Variants in POLR3F observed in about 807,000 individuals in gnomAD.
POLR3F encodes RNA polymerase III subunit F, also known as DNA-directed RNA polymerase III subunit RPC6.
Under a neutral mutation model 43.6 loss-of-function variants are expected in POLR3F, and 31 were observed. That is an observed-to-expected ratio of 0.71 (90% CI 0.53 to 0.96). The LOEUF (loss-of-function observed/expected upper bound fraction) is 0.96, where lower values mean the gene tolerates loss of function less well. Ranked by LOEUF, POLR3F falls within the 40% of genes least tolerant of loss-of-function variation. POLR3F has a pLI of 0.00. For missense variants in POLR3F, 316 were observed against 391.7 expected (o/e 0.81, Z 1.63); for synonymous variants, 114 against 132.5 (o/e 0.86, Z 0.96).
intron 1 of POLR3F, among the ~76,000 whole-genome samples, chr20:18,468,698 CTAATT>C (rs994491674): frequency 1.3e-4 from 20 of 152,192 alleles, no homozygotes; most frequent in African/African-American, 3.1e-4. Context: ...GACTTTTGCT[CTAATT>C]TAAAGTTCTT....
At chr20:18,479,640 T>C (rs2148866677) in intron 5 of POLR3F, among the ~76,000 whole-genome samples, 1 of 152,248 alleles carries the variant, frequency 6.6e-6, no homozygotes, top group South Asian at 2.1e-4. Flanking sequence ...TGAATGTAAA[T>C]CAAAGTATAA....
At chr20:18,479,972 A>T in intron 5 of POLR3F, 66 bp from the exon 6 acceptor site, 2 of 1,162,168 alleles carry the variant, frequency 1.7e-6, no homozygotes, top group South Asian at 2.9e-5. Context: ...GTTCCAAAAT[A>T]TAGGTGTTTT....
At chr20:18,478,790 T>C (rs986420616) in intron 5 of POLR3F, among the ~76,000 whole-genome samples, 17 of 152,156 alleles carry the variant, frequency 1.1e-4, no homozygotes, top group Non-Finnish European at 2.5e-4. Flanking sequence ...CCGATGGCAA[T>C]GAACACATCT....
intron 2 of POLR3F, among the ~76,000 whole-genome samples, chr20:18,472,617 G>GCTCC (rs2059759620): frequency 6.6e-6 from 1 of 151,426 alleles, no homozygotes; most frequent in Non-Finnish European, 1.5e-5. Context: ...TTTTAATATA[G>GCTCC]ATTGTTATTC....
intron 2 of POLR3F, chr20:18,469,393 A>G (rs374762625): frequency 4.7e-5 from 10 of 211,546 alleles, no homozygotes; most frequent in Non-Finnish European, 7.8e-5. Flanking sequence ...TGCCCTCAGC[A>G]CTCCTGGTTC....
At chr20:18,470,789 G>A (rs2059745844) in intron 2 of POLR3F, 2 of 152,740 alleles carry the variant, frequency 1.3e-5, no homozygotes, top group Non-Finnish European at 2.9e-5. Flanking sequence ...GGCAGTAGTA[G>A]AGCTATCAAA....
At position 18,469,034 on chromosome 20, in the gene POLR3F, A is replaced by C; in HGVS notation, c.153A>C (p.Ala51=). 1 of 1,566,096 alleles carries C rather than the reference A, an allele frequency of 6.4e-7. No individual in the cohort carries two copies. Among genetic ancestry groups the C allele is most frequent in the Non-Finnish European group, 8.8e-7 (1 of 1,136,086 alleles). The change falls in exon 2 of 9, where the codon GCA becomes GCC. Residue 51 remains alanine (A), a synonymous_variant. Transcript: ENST00000377603. ...EMPHIEAQQR[A]VAINRLLSMG... ...CTCATATAGAAGCCCAGCAGCGGGCAGTAGCCATCAATAGGTTGTTGTCTA... is the reference window on the plus strand; with the variant it reads ...CTCATATAGAAGCCCAGCAGCGGGCCGTAGCCATCAATAGGTTGTTGTCTA...
chr20:18,482,746 T>C (rs2059817222), intron 8 of POLR3F, among the ~76,000 whole-genome samples: 1 of 152,218 alleles, frequency 6.6e-6, no homozygotes, highest in South Asian at 2.1e-4. Flanking sequence ...TGTGTGTGTT[T>C]TATTTCATTA....
intron 7 of POLR3F, 106 bp downstream of exon 7, chr20:18,480,615 G>A (rs997332659): frequency 1.3e-4 from 88 of 694,330 alleles, no homozygotes; most frequent in Non-Finnish European, 2.0e-4. Flanking sequence ...TGAGATGATA[G>A]CTACGAACAT....
chr20:18,477,654 C>T (rs996914007), intron 5 of POLR3F, among the ~76,000 whole-genome samples: 1 of 152,090 alleles, frequency 6.6e-6, no homozygotes, highest in African/African-American at 2.4e-5. Flanking sequence ...ATCTTAAATG[C>T]ATATTGCTAA....
intron 5 of POLR3F, among the ~76,000 whole-genome samples, chr20:18,476,137 C>A (rs966888385): frequency 5.3e-5 from 8 of 152,144 alleles, no homozygotes; most frequent in Non-Finnish European, 5.9e-5. Context: ...AGTGTAAAAT[C>A]TTTGGATTTA....
intron 5 of POLR3F, among the ~76,000 whole-genome samples, chr20:18,477,184 T>A (rs1047489098): frequency 3.3e-5 from 5 of 151,820 alleles, no homozygotes; most frequent in African/African-American, 1.2e-4. Flanking sequence ...GATAAGCATA[T>A]GAAAAGATGC....
rs557918422 is a variant in POLR3F at position 18,478,342 on chromosome 20, A to G, written c.430-1696A>G. 2.6e-5 allele frequency among the ~76,000 whole-genome samples: 4 copies of G among 152,102 alleles called. No homozygotes were observed. The South Asian group carries it at 8.3e-4, about 32-fold the overall frequency. On this transcript the variant is annotated intron_variant, in intron 5 of 8. Coordinates refer to ENST00000377603, the MANE Select transcript of POLR3F (RefSeq NM_006466.4). ...GCCATCCTCCCACCACAGCCTTCCA[A>G]GTAGCTGGGACTATAGGCACGTGCC...
At position 18,484,214 on chromosome 20, in the gene POLR3F, T is replaced by C. The variant is rs1474946434; in HGVS notation, c.*656T>C. 3 of 398,430 alleles carry C rather than the reference T, an allele frequency of 7.5e-6. No homozygotes were observed. Among genetic ancestry groups the C allele is most frequent in the Non-Finnish European group, 1.3e-5 (3 of 226,010 alleles). The allele number at this position is 398,430 out of a possible 1,614,324, so 24.7% of individuals were successfully genotyped here. ...GGACATATTTTCAGTACATAAATAC[T>C]ATCATTTTCATTCTAAAGAATATTT... On this transcript the variant is annotated 3_prime_UTR_variant, in exon 9 of 9. Transcript: ENST00000377603.
chr20:18,468,191 C>A (rs142593868), intron 1 of POLR3F, among the ~76,000 whole-genome samples: 1 of 152,196 alleles, frequency 6.6e-6, no homozygotes, highest in Non-Finnish European at 1.5e-5. Context: ...ATTCCCCTGC[C>A]TTAGCCTCCC....
chr20:18,473,603 C>T (rs1166704193), intron 4 of POLR3F, 145 bp downstream of exon 4: 2 of 444,352 alleles, frequency 4.5e-6, no homozygotes, highest in Admixed American at 3.6e-5. Context: ...CATGCATGTG[C>T]TTGAAGGACA....
Position 18,480,438 on chromosome 20 carries a change from A to T in POLR3F, c.610A>T (p.Ile204Leu), listed in dbSNP as rs762222742. 1.2e-6 allele frequency: 2 copies of T among 1,612,462 alleles called. No homozygotes were observed. The highest frequency in any genetic ancestry group is 2.2e-5 in the South Asian group (2 of 91,012). The change falls in exon 7 of 9, where the codon ATA (isoleucine) becomes TTA (leucine). Residue 204 changes from isoleucine to leucine, a missense_variant. Ile to Leu is a conservative substitution (Grantham distance 5, BLOSUM62 2). This residue lies in a region of POLR3F where 109 missense variants were observed against 177.7 expected (regional missense o/e 0.61). Coordinates refer to ENST00000377603, the MANE Select transcript of POLR3F (RefSeq NM_006466.4). ...ACGAGAAAGCAAACAGAACCCAATG[A>T]TACAAAGAAATAGTTCATTTGCCTC... ...TARESKQNPM[I>L]QRNSSFASSH... is the part of the protein sequence containing the mutation.
At chr20:18,478,867 GC>G (rs2059794194) in intron 5 of POLR3F, among the ~76,000 whole-genome samples, 1 of 152,190 alleles carries the variant, frequency 6.6e-6, no homozygotes, top group Non-Finnish European at 1.5e-5. Context: ...TGACGGCTGG[GC>G]AGGGTGGTTC....
At position 18,473,108 on chromosome 20, in the gene POLR3F, AGATGAT is replaced by A. The variant is rs1207267289; in HGVS notation, c.248+200_248+205del. ...CTTCTAGCTATATATAAATACACAT[AGATGAT>A]TATATATTTATATATAATCTTTCTC... is the stretch of plus-strand genomic sequence containing the variant. On this transcript the variant is annotated intron_variant, in intron 3 of 8. Transcript: ENST00000377603. The A allele has an allele frequency of 8.7e-6, 3 of 344,106 alleles. No homozygotes were observed. In the East Asian group the frequency reaches 1.4e-4, roughly 15 times the overall value. 21.3% of individuals were successfully genotyped at this position (344,106 alleles called of 1,614,324 possible).
Sources: gnomAD v4.1 joint callset for allele counts (sites outside exome capture counted in the v4.1 genomes callset) on GRCh38, gnomAD v4.1.1 for gene constraint, gnomAD v4.1.1 regional missense constraint, MANE v1.5 for transcripts, NCBI Gene and HGNC (gene_info 2026-07-23, HGNC 2026-07-21) for gene names.